The following EFCAB13 variants were observed in gnomAD, a reference collection of about 807,000 sequenced individuals.
EFCAB13 encodes the protein EF-hand calcium binding domain 13, also known as EF-hand calcium-binding domain-containing protein 13.
A neutral mutation model predicts 110.2 loss-of-function variants in EFCAB13; 91 were observed. The observed-to-expected ratio is 0.83, with a 90% CI of 0.70 to 0.98. The LOEUF (loss-of-function observed/expected upper bound fraction) is 0.98, where lower values mean the gene tolerates loss of function less well. Ranked by LOEUF, EFCAB13 falls within the 50% of genes least tolerant of loss-of-function variation. The pLI is 0.00. For synonymous variants in EFCAB13, 323 were observed against 369.9 expected (o/e 0.87, Z 1.45); for missense variants, 968 against 1,119.4 (o/e 0.86, Z 1.93).
intron 4 of EFCAB13, among the ~76,000 whole-genome samples, chr17:47,331,102 A>G (rs11869846): frequency 0.088 from 13,357 of 151,942 alleles, 843 homozygotes; most frequent in East Asian, 0.35. Context: ...TTATTTTCCC[A>G]CTTTTTAATG....
chr17:47,409,670 C>G lies in EFCAB13; in HGVS notation c.2257C>G (p.Leu753Val), dbSNP rs1300439487. Residue 753 changes from leucine (L) to valine (V), a missense_variant, in exon 21 of 25, where the codon CTA (leucine) becomes GTA (valine). Transcript: ENST00000331493. The part of the protein sequence containing the change: ...YIDFRKEASN[L>V]KLPKVNEIKE... ...AGATTTCAGGAAAGAGGCTTCAAAT[C>G]TAAAATTACCAAAGGTAAACGGTGA... 6.2e-7 allele frequency: 1 copy of G among 1,611,022 alleles called. No homozygotes were observed. Among genetic ancestry groups the G allele is most frequent in the African/African-American group, 1.3e-5 (1 of 74,808 alleles).
At chr17:47,396,469 A>C (rs1374585158) in intron 17 of EFCAB13, among the ~76,000 whole-genome samples, 1 of 152,234 alleles carries the variant, frequency 6.6e-6, no homozygotes, top group Non-Finnish European at 1.5e-5. Context: ...TTGTATAACA[A>C]AGACTATAGA....
chr17:47,384,145 G>GTT (rs759808835), intron 14 of EFCAB13, among the ~76,000 whole-genome samples: 37 of 128,866 alleles, frequency 2.9e-4, no homozygotes, highest in East Asian at 8.7e-4. Context: ...GCAACCCCCA[G>GTT]TTTTTTTTTT....
chr17:47,423,305 G>A (rs1193437553), intron 23 of EFCAB13: 1 of 152,334 alleles, frequency 6.6e-6, no homozygotes, highest in African/African-American at 2.4e-5. Flanking sequence ...TGGTGAAGGG[G>A]CATTTTGTTG....
chr17:47,394,472 C>A (rs1258087484), intron 16 of EFCAB13, among the ~76,000 whole-genome samples: 1 of 152,084 alleles, frequency 6.6e-6, no homozygotes, highest in Non-Finnish European at 1.5e-5. Flanking sequence ...ACATCTGTCC[C>A]CATTTCTTTC....
chr17:47,391,641 A>AT, intron 15 of EFCAB13, 61 bp downstream of exon 15: 1 of 1,437,010 alleles, frequency 7.0e-7, no homozygotes, highest in Non-Finnish European at 9.2e-7. Flanking sequence ...TCAATTTGTT[A>AT]TTTTTTTCTT....
At chr17:47,351,312 C>T (rs62074457) in intron 9 of EFCAB13, among the ~76,000 whole-genome samples, 91,024 of 130,800 alleles carry the variant, frequency 0.7, 29,412 homozygotes, top group Middle Eastern at 0.74. Context: ...TGTGCGCGCG[C>T]GCGCGCGCGC....
chr17:47,425,495 C>A (rs1240853337), intron 23 of EFCAB13, among the ~76,000 whole-genome samples: 1 of 152,180 alleles, frequency 6.6e-6, no homozygotes, highest in Admixed American at 6.5e-5. Context: ...ACCCAGAACC[C>A]AGTAAGCTTT....
chr17:47,374,384 T>C lies in EFCAB13; in HGVS notation c.878-88T>C, dbSNP rs538167324. On this transcript the variant is annotated intron_variant, in intron 11 of 24. Coordinates refer to ENST00000331493, the MANE Select transcript of EFCAB13 (RefSeq NM_152347.5). ...TTTAAGAAACTGATAATTTCTTGAA[T>C]AGTTTTCATGAGGACTTAGTTGTTA... 650 of 1,127,420 alleles carry C rather than the reference T, an allele frequency of 5.8e-4. 2 individuals are homozygous for C. Among genetic ancestry groups the C allele is most frequent in the Admixed American group, 1.9e-3 (67 of 35,406 alleles). The allele number at this position is 1,127,420 out of a possible 1,614,324, so 69.8% of individuals were successfully genotyped here.
chr17:47,326,161 T>C (rs914925774), intron 2 of EFCAB13, 65 bp from the exon 3 acceptor site: 3 of 151,968 alleles, frequency 2.0e-5, no homozygotes, highest in Admixed American at 1.3e-4. Flanking sequence ...ATTGAAATAG[T>C]TGAGAAAAAT....
At chr17:47,413,793 A>C (rs755245855) in intron 22 of EFCAB13, among the ~76,000 whole-genome samples, 1 of 152,142 alleles carries the variant, frequency 6.6e-6, no homozygotes, top group Non-Finnish European at 1.5e-5. Context: ...TATTTGAGTC[A>C]ATAAATATAG....
intron 10 of EFCAB13, among the ~76,000 whole-genome samples, chr17:47,367,227 C>A (rs2065552065): frequency 6.6e-6 from 1 of 152,208 alleles, no homozygotes. Context: ...TCTAGCATTT[C>A]TTTGATTGGT....
intron 24 of EFCAB13, among the ~76,000 whole-genome samples, chr17:47,440,159 A>T (rs1905290637): frequency 6.6e-6 from 1 of 152,178 alleles, no homozygotes; most frequent in African/African-American, 2.4e-5. Flanking sequence ...TGGAAAATAA[A>T]TAGAAGATGA....
At chr17:47,356,941 A>G (rs2065483861) in intron 9 of EFCAB13, among the ~76,000 whole-genome samples, 1 of 152,150 alleles carries the variant, frequency 6.6e-6, no homozygotes, top group Admixed American at 6.5e-5. Context: ...TCCCAGGCCA[A>G]TGGAGTTATG....
In EFCAB13 at chr17:47,360,107, G is replaced by A. The variant is rs1265669466; in HGVS notation, c.662-1271G>A. 7.2e-5 allele frequency among the ~76,000 whole-genome samples: 11 copies of A among 152,190 alleles called. No homozygotes were observed. The East Asian group carries it at 2.1e-3, about 29-fold the overall frequency. On this transcript the variant is annotated intron_variant, in intron 9 of 24. Transcript: ENST00000331493. ...ACAAACATGTGCATGTGTCTTTATA[G>A]CAGCATGATTTATAGTCCTTTGGGT...
intron 4 of EFCAB13, among the ~76,000 whole-genome samples, chr17:47,331,498 T>TA (rs1335130528): frequency 6.6e-6 from 1 of 152,114 alleles, no homozygotes; most frequent in Admixed American, 6.6e-5. Context: ...ACTGCCCCTA[T>TA]ACATGCACAG....
intron 9 of EFCAB13, among the ~76,000 whole-genome samples, chr17:47,354,298 G>T (rs1173913241): frequency 6.6e-6 from 1 of 152,060 alleles, no homozygotes; most frequent in Non-Finnish European, 1.5e-5. Context: ...CTACCATATG[G>T]TCTATCTTGG....
In EFCAB13 at chr17:47,402,181, G is replaced by T. The variant is rs1416370882; in HGVS notation, c.1995G>T (p.Met665Ile). ...AATTTGCAAAAGTAGTAAGGAATAT[G>T]CGTGATGCTGCCAGGTTAGAAGGTA... ...FEEFAKVVRN[M>I]RDAARLEELQ... Residue 665 changes from methionine to isoleucine, a missense_variant, in exon 18 of 25, where the codon ATG (methionine) becomes ATT (isoleucine). Coordinates refer to ENST00000331493, the MANE Select transcript of EFCAB13 (RefSeq NM_152347.5). The T allele has an allele frequency of 6.2e-7, 1 of 1,613,896 alleles. No individual in the cohort carries two copies. Among genetic ancestry groups the T allele is most frequent in the South Asian group, 1.1e-5 (1 of 91,076 alleles).
intron 10 of EFCAB13, among the ~76,000 whole-genome samples, chr17:47,368,924 A>G (rs2065564966): frequency 6.6e-6 from 1 of 152,216 alleles, no homozygotes; most frequent in Non-Finnish European, 1.5e-5. Flanking sequence ...ATAGATGAAA[A>G]TGGCTATCAT....
Sources: gnomAD v4.1 joint callset for allele counts (sites outside exome capture counted in the v4.1 genomes callset) on GRCh38, gnomAD v4.1.1 for gene constraint, MANE v1.5 for transcripts, NCBI Gene and HGNC (gene_info 2026-07-23, HGNC 2026-07-21) for gene names.